RGS12: variants seen among roughly 807,000 people sequenced by gnomAD.
The protein encoded by RGS12 is regulator of G protein signaling 12, also known as regulator of G-protein signaling 12.
RGS12 carries 66 observed loss-of-function variants against 120.1 expected under a neutral mutation model. The ratio of observed to expected loss-of-function variants is 0.55; its 90% confidence interval spans 0.45 to 0.67. The LOEUF (loss-of-function observed/expected upper bound fraction) is 0.67, where lower values mean the gene tolerates loss of function less well. Ranked by LOEUF, RGS12 falls within the 30% of genes least tolerant of loss-of-function variation. The pLI is 0.00. For synonymous variants in RGS12, 827 were observed against 804.7 expected (o/e 1.03, Z -0.47); for missense variants, 1,859 against 1,957.7 (o/e 0.95, Z 0.95).
In RGS12 at chr4:3,362,808, AGT is replaced by A. The variant is rs544868584; in HGVS notation, c.1998+19757_1998+19758del. Among the ~76,000 whole-genome samples the A allele has an allele frequency of 5.4e-3, 707 of 130,740 alleles. 5 individuals are homozygous for A. The highest frequency in any genetic ancestry group is 7.5e-3 in the Non-Finnish European group (467 of 62,168). The allele number at this position is 130,740 out of a possible 152,430, so 85.8% of individuals were successfully genotyped here. A position where few individuals can be genotyped will look rare whatever the true frequency, so the allele number is the denominator to read the frequency against. On this transcript the variant is annotated intron_variant, in intron 3 of 17. Coordinates refer to ENST00000336727, the MANE Select transcript of RGS12 (RefSeq NM_001394154.1). ...GTGTGAGGGTGTGTGTGAATATGAG[AGT>A]GAGGGTGTGTCAGTGTGTTTGAGTG...
chr4:3,332,925 A>C (rs1712024739), intron 2 of RGS12, among the ~76,000 whole-genome samples: 1 of 152,100 alleles, frequency 6.6e-6, no homozygotes, highest in African/African-American at 2.4e-5. Context: ...CCCTGGGTTC[A>C]AGCGATTCTG....
intron 1 of RGS12, among the ~76,000 whole-genome samples, chr4:3,296,996 T>C (rs892243238): frequency 1.3e-5 from 2 of 152,266 alleles, no homozygotes; most frequent in Non-Finnish European, 2.9e-5. Context: ...GTTGCCTAGA[T>C]TCTTCCATGA....
At chr4:3,400,854 T>A (rs1406702371) in intron 4 of RGS12, among the ~76,000 whole-genome samples, 7 of 150,076 alleles carry the variant, frequency 4.7e-5, no homozygotes, top group Non-Finnish European at 1.0e-4. Flanking sequence ...ATTATACTAT[T>A]AGTAATAGTA....
intron 3 of RGS12, among the ~76,000 whole-genome samples, chr4:3,353,921 C>T (rs372584676): frequency 6.6e-6 from 1 of 152,138 alleles, no homozygotes; most frequent in Non-Finnish European, 1.5e-5. Context: ...TTCCTTAACA[C>T]ACTACTTCCC....
Position 3,417,505 on chromosome 4 carries a change from TCC to T in RGS12, c.2727_2728del (p.Gln910GlufsTer83). 2 of 1,612,450 alleles carry T rather than the reference TCC, an allele frequency of 1.2e-6. No homozygotes were observed. The highest frequency in any genetic ancestry group is 1.7e-6 in the Non-Finnish European group (2 of 1,179,754). On this transcript the variant is annotated frameshift_variant, in exon 9 of 18. Transcript: ENST00000336727. LOFTEE classifies it high-confidence loss of function. ...SWSRTRSTGR[S>X]QKKREHGDHA... ...GTCGCGGACCAGGAGCACCGGGAGG[TCC>T]CAGAAAAAGAGGGAGCACGGGGACC...
rs757542963 is a variant in RGS12 at position 3,416,151 on chromosome 4, A to G, written c.2427+30A>G. 7.4e-6 allele frequency: 12 copies of G among 1,612,216 alleles called. No individual in the cohort carries two copies. In the South Asian group the frequency reaches 7.7e-5, roughly 10 times the overall value. On this transcript the variant is annotated intron_variant, in intron 7 of 17. Transcript: ENST00000336727. The stretch of plus-strand genomic sequence containing the variant: ...CCGCAGGCTGTGGGAGCTTGTGGGG[A>G]GTCCAGGCTAGGGCTCGGGGTATAG...
intron 3 of RGS12, among the ~76,000 whole-genome samples, chr4:3,363,015 G>A (rs1357357776): frequency 1.3e-5 from 2 of 151,718 alleles, no homozygotes; most frequent in Non-Finnish European, 2.9e-5. Flanking sequence ...ACGTCTGTGA[G>A]TGCATGGCAA....
intron 1 of RGS12, among the ~76,000 whole-genome samples, chr4:3,309,619 A>G (rs1724216662): frequency 7.9e-6 from 1 of 126,664 alleles, no homozygotes; most frequent in Non-Finnish European, 1.6e-5. Flanking sequence ...TGGGAATGGC[A>G]GGTGTCCGCT....
At chr4:3,325,598 G>A (rs530741779) in intron 2 of RGS12, among the ~76,000 whole-genome samples, 3 of 152,268 alleles carry the variant, frequency 2.0e-5, no homozygotes, top group South Asian at 2.1e-4. Flanking sequence ...ATTCACAGCC[G>A]AATTCTACCA....
Position 3,328,041 on chromosome 4 carries a change from A to G in RGS12, c.1881+9990A>G, listed in dbSNP as rs138495753. 5.3e-5 allele frequency among the ~76,000 whole-genome samples: 8 copies of G among 152,378 alleles called. No homozygotes were observed. The East Asian group carries it at 1.5e-3, about 29-fold the overall frequency. On this transcript the variant is annotated intron_variant, in intron 2 of 17. Coordinates refer to ENST00000336727, the MANE Select transcript of RGS12 (RefSeq NM_001394154.1). Reference sequence around the variant, plus strand: ...AAAGGAAACATGGCATCTATACCCAATGGAATACTATTCAGCCATCAAAAG... The same window carrying G: ...AAAGGAAACATGGCATCTATACCCAGTGGAATACTATTCAGCCATCAAAAG...
intron 4 of RGS12, among the ~76,000 whole-genome samples, chr4:3,410,927 G>A (rs1236302923): frequency 3.3e-5 from 5 of 152,210 alleles, no homozygotes; most frequent in Admixed American, 2.0e-4. Context: ...ATGTGTGGCC[G>A]GTGCCCCACA....
intron 3 of RGS12, among the ~76,000 whole-genome samples, chr4:3,362,626 TGTGA>T (rs1360438604): frequency 8.3e-6 from 1 of 120,780 alleles, no homozygotes; most frequent in African/African-American, 3.3e-5. Context: ...AGGGGGTGTG[TGTGA>T]ATGTGAGAGT....
rs186796306 is a variant in RGS12 at position 3,358,148 on chromosome 4, C to A, written c.1998+15095C>A. 3.9e-3 allele frequency among the ~76,000 whole-genome samples: 591 copies of A among 152,148 alleles called. 3 individuals carry two copies. Among genetic ancestry groups the A allele is most frequent in the Admixed American group, 0.011 (163 of 15,296 alleles). On this transcript the variant is annotated intron_variant, in intron 3 of 17. Transcript: ENST00000336727. ...TATAATTTCCTTTTCAGATTATTCACTGTTAGTGTAGAAATGCAACAGATT... is the reference window on the plus strand; with the variant it reads ...TATAATTTCCTTTTCAGATTATTCAATGTTAGTGTAGAAATGCAACAGATT...
chr4:3,397,579 A>T (rs1215496612), intron 4 of RGS12, among the ~76,000 whole-genome samples: 1 of 152,174 alleles, frequency 6.6e-6, no homozygotes, highest in African/African-American at 2.4e-5. Flanking sequence ...AGCTCGGAGG[A>T]TGAGGGTGTT....
At chr4:3,409,415 G>C (rs1231894763) in intron 4 of RGS12, among the ~76,000 whole-genome samples, 1 of 152,250 alleles carries the variant, frequency 6.6e-6, no homozygotes, top group Non-Finnish European at 1.5e-5. Flanking sequence ...AAAATAATTA[G>C]TATCTGCCAA....
Position 3,317,139 on chromosome 4 carries a change from G to A in RGS12, c.969G>A (p.Gly323=), listed in dbSNP as rs1724828347. 3 of 1,614,032 alleles carry A rather than the reference G, an allele frequency of 1.9e-6. No individual in the cohort carries two copies. The East Asian group carries it at 6.7e-5, about 36-fold the overall frequency. ...TTACCATGCAGACGAATGACGACGG[G>A]AGCCTGGCCCAGGAGGAGGAGGGCG... ...GLVTMQTNDD[G]SLAQEEEGAL... The change falls in exon 2 of 18, where the codon GGG becomes GGA. Residue 323 remains glycine (G), a synonymous_variant. Coordinates refer to ENST00000336727, the MANE Select transcript of RGS12 (RefSeq NM_001394154.1).
chr4:3,338,223 G>A (rs1203587247), intron 2 of RGS12, among the ~76,000 whole-genome samples: 1 of 152,202 alleles, frequency 6.6e-6, no homozygotes, highest in East Asian at 1.9e-4. Flanking sequence ...ACCATGCCTG[G>A]CTAATTTTGT....
At chr4:3,332,669 T>C (rs1425170259) in intron 2 of RGS12, among the ~76,000 whole-genome samples, 1 of 152,238 alleles carries the variant, frequency 6.6e-6, no homozygotes, top group Non-Finnish European at 1.5e-5. Context: ...TCTTGGGCTG[T>C]CTTTTCCTCA....
intron 17 of RGS12, among the ~76,000 whole-genome samples, chr4:3,434,676 G>A (rs541506275): frequency 1.3e-5 from 2 of 152,308 alleles, no homozygotes; most frequent in South Asian, 2.1e-4. Context: ...TCAAAAGGTC[G>A]CGTGCACCCA....
Sources: gnomAD v4.1 joint callset for allele counts (sites outside exome capture counted in the v4.1 genomes callset) on GRCh38, gnomAD v4.1.1 for gene constraint, MANE v1.5 for transcripts, NCBI Gene and HGNC (gene_info 2026-07-23, HGNC 2026-07-21) for gene names.